SORBS2: variants seen among roughly 807,000 people sequenced by gnomAD.
SORBS2 encodes the protein sorbin and SH3 domain-containing protein 2.
SORBS2 carries 46 observed loss-of-function variants against 97.7 expected under a neutral mutation model. That is an observed-to-expected ratio of 0.47 (90% CI 0.37 to 0.60). SORBS2 has a LOEUF of 0.60. SORBS2 is among the 20% of genes least tolerant of loss of function. The pLI, the probability that SORBS2 is intolerant of heterozygous loss-of-function variation, is 0.00. For synonymous variants in SORBS2, 476 were observed against 473.4 expected (o/e 1.01, Z -0.07); for missense variants, 1,316 against 1,282.3 (o/e 1.03, Z -0.40).
Position 185,817,727 on chromosome 4 carries a change from T to C in SORBS2, c.-337-42361A>G, listed in dbSNP as rs968393956. ...TAAAACAAATGCTTCTGGTTTCACC[T>C]GAGCCACTGAAACAAATTAGAAGGT... On this transcript the variant is annotated intron_variant, in intron 1 of 20. Transcript: ENST00000284776. 4.6e-5 allele frequency among the ~76,000 whole-genome samples: 7 copies of C among 152,364 alleles called. No individual in the cohort carries two copies. The South Asian group carries it at 1.4e-3, about 32-fold the overall frequency.
chr4:185,720,300 T>C (rs2098502228), intron 2 of SORBS2, among the ~76,000 whole-genome samples: 1 of 151,676 alleles, frequency 6.6e-6, no homozygotes. Flanking sequence ...GCAATAAATG[T>C]ATTCCCACAG....
At chr4:185,611,115 C>T (rs1402127385) in intron 12 of SORBS2, among the ~76,000 whole-genome samples, 1 of 152,004 alleles carries the variant, frequency 6.6e-6, no homozygotes, top group Non-Finnish European at 1.5e-5. Flanking sequence ...ATATAACTGT[C>T]CTAAAACTGA....
chr4:185,757,614 A>G (rs1021678), intron 2 of SORBS2, among the ~76,000 whole-genome samples: 117,749 of 152,130 alleles, frequency 0.77, 46,014 homozygotes, highest in African/African-American at 0.86. Context: ...GAGTTATTCC[A>G]TGTCCTGGGA....
At chr4:185,633,001 G>A (rs756643161) in intron 4 of SORBS2, among the ~76,000 whole-genome samples, 4 of 152,096 alleles carry the variant, frequency 2.6e-5, no homozygotes, top group Non-Finnish European at 2.9e-5. Flanking sequence ...CTCCAGAAAA[G>A]AGGTTACAAA....
At chr4:185,694,360 G>A (rs908155711) in intron 2 of SORBS2, among the ~76,000 whole-genome samples, 8 of 152,214 alleles carry the variant, frequency 5.3e-5, no homozygotes, top group African/African-American at 1.7e-4. Context: ...ACGAGACTAT[G>A]AGAACTGACC....
chr4:185,662,350 G>T lies in SORBS2; in HGVS notation c.-45-108C>A, dbSNP rs189282831. The T allele has an allele frequency of 1.0e-5, 11 of 1,103,130 alleles. No homozygotes were observed. The East Asian group carries it at 2.9e-4, about 29-fold the overall frequency. 68.3% of individuals were successfully genotyped at this position (1,103,130 alleles called of 1,614,324 possible). A position where few individuals can be genotyped will look rare whatever the true frequency, so the allele number is the denominator to read the frequency against. ...TCCAATCACATGAGAGTAATCAGCT[G>T]CCAAGCTCTTATTTATTTTGAAAAC... On this transcript the variant is annotated intron_variant, in intron 4 of 20. Coordinates refer to the SORBS2 transcript ENST00000284776.
intron 2 of SORBS2, among the ~76,000 whole-genome samples, chr4:185,680,937 G>C (rs987546574): frequency 6.6e-6 from 1 of 152,108 alleles, no homozygotes; most frequent in Non-Finnish European, 1.5e-5. Flanking sequence ...TTCTTCCTGG[G>C]ACACTGGGCC....
At chr4:185,829,091 G>T (rs2099203693) in intron 1 of SORBS2, among the ~76,000 whole-genome samples, 1 of 152,112 alleles carries the variant, frequency 6.6e-6, no homozygotes, top group Non-Finnish European at 1.5e-5. Context: ...CCAAAACCTG[G>T]CCTCAATCCT....
At chr4:185,859,213 T>C (rs1400124990) in intron 1 of SORBS2, among the ~76,000 whole-genome samples, 1 of 152,222 alleles carries the variant, frequency 6.6e-6, no homozygotes, top group Non-Finnish European at 1.5e-5. Context: ...GTCGGAAAAC[T>C]TGAAGACAAA....
At chr4:185,807,894 T>C (rs1359552725) in intron 1 of SORBS2, among the ~76,000 whole-genome samples, 1 of 152,210 alleles carries the variant, frequency 6.6e-6, no homozygotes, top group Non-Finnish European at 1.5e-5. Flanking sequence ...CAAGTGCAAC[T>C]CATTTCATTA....
At chr4:185,904,878 G>A (rs2099249813) in intron 1 of SORBS2, among the ~76,000 whole-genome samples, 1 of 152,172 alleles carries the variant, frequency 6.6e-6, no homozygotes, top group Non-Finnish European at 1.5e-5. Flanking sequence ...GCTGAGGCAG[G>A]TGGATCACCT....
At chr4:185,832,505 G>A (rs2099205702) in intron 1 of SORBS2, among the ~76,000 whole-genome samples, 1 of 152,172 alleles carries the variant, frequency 6.6e-6, no homozygotes, top group South Asian at 2.1e-4. Flanking sequence ...GAGAGTATGG[G>A]AGAATTTGGT....
At position 185,690,577 on chromosome 4, in the gene SORBS2, C is replaced by T; in HGVS notation, c.-197-11755G>A. ...GACAGCATACCTGTGTTCATTTTCACCTTGGAGAGTTTGTTATTAAAGTCT... is the reference window on the plus strand; with the variant it reads ...GACAGCATACCTGTGTTCATTTTCATCTTGGAGAGTTTGTTATTAAAGTCT... On this transcript the variant is annotated intron_variant, in intron 2 of 20. In the 5' UTR this introduces an upstream ATG that the reference lacks. Transcript: ENST00000284776. The T allele has an allele frequency of 6.6e-7, 1 of 1,518,984 alleles. No homozygotes were observed. Among genetic ancestry groups the T allele is most frequent in the Non-Finnish European group, 8.9e-7 (1 of 1,123,664 alleles). 94.1% of individuals were successfully genotyped at this position (1,518,984 alleles called of 1,614,324 possible). A position where few individuals can be genotyped will look rare whatever the true frequency, so the allele number is the denominator to read the frequency against.
chr4:185,932,936 G>A (rs1315358901), intron 1 of SORBS2: 25 of 152,146 alleles, frequency 1.6e-4, no homozygotes, highest in Admixed American at 1.4e-3. Flanking sequence ...TGATACTCAC[G>A]AGAAAAGCAG....
chr4:185,919,085 A>C (rs1018592210), intron 1 of SORBS2, among the ~76,000 whole-genome samples: 2 of 152,168 alleles, frequency 1.3e-5, no homozygotes, highest in Non-Finnish European at 2.9e-5. Flanking sequence ...GACACTGGGA[A>C]CTCAGGAAGA....
chr4:185,871,871 G>A (rs1418882215), intron 1 of SORBS2, among the ~76,000 whole-genome samples: 1 of 152,192 alleles, frequency 6.6e-6, no homozygotes, highest in East Asian at 1.9e-4. Context: ...TGTGACTGAT[G>A]ACAGTGCCTG....
chr4:185,728,934 A>T (rs2098589361), intron 2 of SORBS2, among the ~76,000 whole-genome samples: 1 of 152,210 alleles, frequency 6.6e-6, no homozygotes, highest in Non-Finnish European at 1.5e-5. Flanking sequence ...ATGTTTTCTG[A>T]GGGGAGTAAG....
chr4:185,674,211 A>C (rs1191851825), intron 4 of SORBS2, among the ~76,000 whole-genome samples: 1 of 152,138 alleles, frequency 6.6e-6, no homozygotes, highest in Non-Finnish European at 1.5e-5. Context: ...TGTTTCCCAA[A>C]TGGAACCTCT....
intron 2 of SORBS2, among the ~76,000 whole-genome samples, chr4:185,750,464 T>C (rs2153597997): frequency 6.6e-6 from 1 of 152,236 alleles, no homozygotes; most frequent in East Asian, 1.9e-4. Flanking sequence ...ATAGGACCCA[T>C]CAGAGTATAA....
Sources: gnomAD v4.1 joint callset for allele counts (sites outside exome capture counted in the v4.1 genomes callset) on GRCh38, gnomAD v4.1.1 for gene constraint, MANE v1.5 for transcripts, NCBI Gene and HGNC (gene_info 2026-07-23, HGNC 2026-07-21) for gene names.